The following CDK6 variants were observed in gnomAD, a reference collection of about 807,000 sequenced individuals.
CDK6 encodes the protein cyclin dependent kinase 6, also known as cyclin-dependent kinase 6.
Under a neutral mutation model 37.1 loss-of-function variants are expected in CDK6, and 6 were observed. The observed-to-expected ratio is 0.16, with a 90% CI of 0.09 to 0.32. The LOEUF (loss-of-function observed/expected upper bound fraction) is 0.32, where lower values mean the gene tolerates loss of function less well. CDK6 is among the 10% of genes least tolerant of loss of function. CDK6 has a pLI of 1.00. For synonymous variants in CDK6, 160 were observed against 161.3 expected (o/e 0.99, Z 0.06); for missense variants, 224 against 418.9 (o/e 0.53, Z 4.06).
chr7:92,783,756 T>C (rs995991718), intron 2 of CDK6, among the ~76,000 whole-genome samples: 4 of 152,206 alleles, frequency 2.6e-5, no homozygotes, highest in Admixed American at 6.5e-5. Flanking sequence ...TAAAACTATG[T>C]ATATGGAAAC....
chr7:92,641,210 C>G (rs1796297457), intron 5 of CDK6, among the ~76,000 whole-genome samples: 1 of 152,210 alleles, frequency 6.6e-6, no homozygotes, highest in East Asian at 1.9e-4. Context: ...TTTGACACTA[C>G]GTAAATCTCT....
chr7:92,833,043 C>A lies in CDK6; in HGVS notation c.233+48G>T, dbSNP rs778883983. The A allele has an allele frequency of 1.0e-5, 14 of 1,390,266 alleles. No homozygotes were observed. The highest frequency in any genetic ancestry group is 1.3e-5 in the Non-Finnish European group (13 of 1,022,936). 86.1% of individuals were successfully genotyped at this position (1,390,266 alleles called of 1,614,324 possible). ...CTGAGGATTCCCGGCTCGGCCCTCCCCGCGCGCGCGAGGCCCCAGATGGCG... is the reference window on the plus strand; with the variant it reads ...CTGAGGATTCCCGGCTCGGCCCTCCACGCGCGCGCGAGGCCCCAGATGGCG... On this transcript the variant is annotated intron_variant, in intron 2 of 7. Transcript: ENST00000424848. The surrounding 1 kb of genome is among the most constrained non-coding windows in gnomAD (Gnocchi z 6.1).
At chr7:92,679,116 A>G (rs1412244573) in intron 4 of CDK6, among the ~76,000 whole-genome samples, 4 of 152,198 alleles carry the variant, frequency 2.6e-5, no homozygotes, top group Admixed American at 2.6e-4. Flanking sequence ...GCCTGTGTCA[A>G]GAAATCCTTG....
chr7:92,693,212 T>C (rs919916658), intron 4 of CDK6, among the ~76,000 whole-genome samples: 1 of 152,178 alleles, frequency 6.6e-6, no homozygotes, highest in African/African-American at 2.4e-5. Flanking sequence ...CATGTATAAA[T>C]AGGAGGTATT....
intron 4 of CDK6, chr7:92,725,191 A>C (rs1798481717): frequency 1.0e-6 from 1 of 985,344 alleles, no homozygotes; most frequent in African/African-American, 1.7e-5. Flanking sequence ...CCATAGCTTC[A>C]GATGAGTGCA....
chr7:92,630,047 T>G (rs932228948), intron 5 of CDK6, among the ~76,000 whole-genome samples: 1 of 152,078 alleles, frequency 6.6e-6, no homozygotes, highest in Admixed American at 6.6e-5. Context: ...AGCATCACAT[T>G]GGGGGTTAGG....
At chr7:92,671,637 A>T in intron 4 of CDK6, 102 bp from the exon 5 acceptor site, 1 of 559,230 alleles carries the variant, frequency 1.8e-6, no homozygotes, top group Non-Finnish European at 3.1e-6. Context: ...TTCAGAAAGA[A>T]CTCCTATAAA....
intron 5 of CDK6, among the ~76,000 whole-genome samples, chr7:92,643,371 C>T (rs1796362772): frequency 6.6e-6 from 1 of 152,200 alleles, no homozygotes; most frequent in African/African-American, 2.4e-5. Context: ...AGCTCATTCA[C>T]TCATTCAGCA....
At chr7:92,675,943 G>T (rs929229497) in intron 4 of CDK6, among the ~76,000 whole-genome samples, 28 of 151,706 alleles carry the variant, frequency 1.8e-4, no homozygotes, top group Non-Finnish European at 2.5e-4. Context: ...TTTTCTTAAT[G>T]TTGTAAATTT....
At chr7:92,645,950 G>C (rs1396139705) in intron 5 of CDK6, among the ~76,000 whole-genome samples, 1 of 152,238 alleles carries the variant, frequency 6.6e-6, no homozygotes, top group African/African-American at 2.4e-5. Context: ...TAAAGACTGT[G>C]TGATTCATAT....
intron 3 of CDK6, among the ~76,000 whole-genome samples, chr7:92,762,570 C>CTTT (rs34827459): frequency 2.1e-5 from 3 of 141,580 alleles, no homozygotes; most frequent in Non-Finnish European, 3.1e-5. Flanking sequence ...CATAGAACAC[C>CTTT]TTTTTTTTTT....
intron 5 of CDK6, among the ~76,000 whole-genome samples, chr7:92,639,207 A>C (rs188808794): frequency 9.2e-5 from 14 of 152,356 alleles, no homozygotes; most frequent in Admixed American, 9.1e-4. Flanking sequence ...AAGAAAGTAC[A>C]TATGAGATAG....
chr7:92,776,956 T>C (rs1799865996), intron 2 of CDK6, among the ~76,000 whole-genome samples: 1 of 152,204 alleles, frequency 6.6e-6, no homozygotes, highest in Non-Finnish European at 1.5e-5. Flanking sequence ...CTTTTGGTGT[T>C]TTAGTCATGA....
intron 4 of CDK6, chr7:92,725,292 G>C (rs1299801004): frequency 1.0e-6 from 1 of 985,280 alleles, no homozygotes; most frequent in Non-Finnish European, 1.2e-6. Context: ...CTGACCTTGA[G>C]CTGTGTGTTC....
At chr7:92,657,834 G>A (rs1796730889) in intron 5 of CDK6, among the ~76,000 whole-genome samples, 1 of 152,142 alleles carries the variant, frequency 6.6e-6, no homozygotes, top group Non-Finnish European at 1.5e-5. Flanking sequence ...TCCTGCTTCA[G>A]CCTCTGAGTA....
rs1047118930 is a variant in CDK6 at position 92,622,886 on chromosome 7, C to T, written c.698+150G>A. 1.7e-5 allele frequency: 10 copies of T among 593,672 alleles called. No individual in the cohort carries two copies. The East Asian group carries it at 2.8e-4, about 17-fold the overall frequency. 36.8% of individuals were successfully genotyped at this position (593,672 alleles called of 1,614,324 possible). ...ATAAAACGGCACTTCTACCATGTCT[C>T]CACTCACCACACAAATAGTAACACT... On this transcript the variant is annotated intron_variant, in intron 6 of 7. Transcript: ENST00000424848.
chr7:92,743,396 T>A (rs1156811098), intron 3 of CDK6, among the ~76,000 whole-genome samples: 3 of 147,768 alleles, frequency 2.0e-5, no homozygotes, highest in Admixed American at 2.0e-4. Context: ...AATAAATAAA[T>A]AAAATAAAAA....
At chr7:92,626,538 A>G (rs1169470241) in intron 5 of CDK6, among the ~76,000 whole-genome samples, 3 of 152,118 alleles carry the variant, frequency 2.0e-5, no homozygotes, top group South Asian at 4.1e-4. Flanking sequence ...TCTGACTTCA[A>G]TGAACAGCAA....
chr7:92,632,131 T>A (rs1796066815), intron 5 of CDK6, among the ~76,000 whole-genome samples: 1 of 152,084 alleles, frequency 6.6e-6, no homozygotes, highest in African/African-American at 2.4e-5. Flanking sequence ...TTTGAGTATA[T>A]AATTATCATC....
Sources: gnomAD v4.1 joint callset for allele counts (sites outside exome capture counted in the v4.1 genomes callset) on GRCh38, gnomAD v4.1.1 for gene constraint, Gnocchi (gnomAD v3.1) non-coding constraint, MANE v1.5 for transcripts, NCBI Gene and HGNC (gene_info 2026-07-23, HGNC 2026-07-21) for gene names.